The following COX7B2 variants were observed in gnomAD, a reference collection of about 807,000 sequenced individuals.
The protein encoded by COX7B2 is cytochrome c oxidase subunit 7B2.
For synonymous variants in COX7B2, 37 were observed against 32.1 expected, an observed-to-expected ratio of 1.15 and a Z score of -0.51; for missense variants, 109 against 95.9, an observed-to-expected ratio of 1.14 and a Z score of -0.57.
chr4:46,811,954 C>T (rs1719306745), intron 2 of COX7B2, among the ~76,000 whole-genome samples: 1 of 152,090 alleles, frequency 6.6e-6, no homozygotes, highest in Non-Finnish European at 1.5e-5. Context: ...ATGGTGGCTG[C>T]ATAGGTTATT....
intron 1 of COX7B2, 141 bp downstream of exon 1, chr4:46,909,019 G>A (rs1245050053): frequency 1.3e-5 from 2 of 152,122 alleles, no homozygotes; most frequent in East Asian, 3.9e-4. Flanking sequence ...ACTCCAGCCT[G>A]GGGTGACAGA....
intron 1 of COX7B2, among the ~76,000 whole-genome samples, chr4:46,890,208 G>A (rs1191493259): frequency 6.6e-6 from 1 of 152,174 alleles, no homozygotes; most frequent in Non-Finnish European, 1.5e-5. Context: ...GCCTTCCTTA[G>A]TACATGCTAT....
At chr4:46,839,203 A>G (rs981510042) in intron 2 of COX7B2, among the ~76,000 whole-genome samples, 6 of 151,916 alleles carry the variant, frequency 3.9e-5, no homozygotes, top group African/African-American at 1.5e-4. Flanking sequence ...GCCCTCCCTC[A>G]TTGTGAATTT....
At chr4:46,738,662 C>A (rs929035352) in intron 2 of COX7B2, among the ~76,000 whole-genome samples, 1 of 151,986 alleles carries the variant, frequency 6.6e-6, no homozygotes, top group African/African-American at 2.4e-5. Flanking sequence ...CTCCTATTAT[C>A]TAAAGAACTA....
At chr4:46,820,281 T>G (rs1165146017) in intron 2 of COX7B2, among the ~76,000 whole-genome samples, 7 of 152,092 alleles carry the variant, frequency 4.6e-5, no homozygotes, top group Non-Finnish European at 1.0e-4. Context: ...CAATTCAGCA[T>G]GCACAGCTCA....
At chr4:46,834,515 A>T (rs1052479512) in intron 2 of COX7B2, among the ~76,000 whole-genome samples, 2 of 152,130 alleles carry the variant, frequency 1.3e-5, no homozygotes, top group African/African-American at 4.8e-5. Flanking sequence ...TCACGTAAAA[A>T]AATGAATATT....
chr4:46,781,881 A>G (rs1044428618), intron 2 of COX7B2, among the ~76,000 whole-genome samples: 1 of 152,316 alleles, frequency 6.6e-6, no homozygotes, highest in African/African-American at 2.4e-5. Flanking sequence ...CGCGGGCCTC[A>G]GCCGCCTCCC....
At chr4:46,832,987 C>T (rs1434260601) in intron 2 of COX7B2, among the ~76,000 whole-genome samples, 1 of 152,026 alleles carries the variant, frequency 6.6e-6, no homozygotes, top group Non-Finnish European at 1.5e-5. Flanking sequence ...CTTACCACAA[C>T]CTCCGCCTCC....
chr4:46,804,866 A>G (rs568810365), intron 2 of COX7B2, among the ~76,000 whole-genome samples: 1,908 of 152,296 alleles, frequency 0.013, 33 homozygotes, highest in African/African-American at 0.044. Flanking sequence ...GGGACTGGGC[A>G]CCGTGGAGCA....
At chr4:46,766,706 GAA>G (rs57884969) in intron 2 of COX7B2, among the ~76,000 whole-genome samples, 2 of 96,584 alleles carry the variant, frequency 2.1e-5, no homozygotes, top group Non-Finnish European at 4.3e-5. Context: ...GTCTCGAAAA[GAA>G]AAAAAAAAAA....
intron 2 of COX7B2, among the ~76,000 whole-genome samples, chr4:46,816,579 A>C (rs142832755): frequency 6.6e-6 from 1 of 152,320 alleles, no homozygotes; most frequent in African/African-American, 2.4e-5. Context: ...TATCCCCTGC[A>C]GTTATGAGCA....
At position 46,790,410 on chromosome 4, in the gene COX7B2, A is replaced by G. The variant is rs1717975816; in HGVS notation, c.-50+54550T>C. ...ACATCAGTGCTTCATTTTGAATTAT[A>G]TGTTTTTGAGCAATAAGTCTGGTCA... On this transcript the variant is annotated intron_variant, in intron 2 of 2. Coordinates refer to ENST00000355591, the MANE Select transcript of COX7B2 (RefSeq NM_130902.3). 2.6e-5 allele frequency among the ~76,000 whole-genome samples: 4 copies of G among 152,194 alleles called. No individual in the cohort carries two copies. In the South Asian group the frequency reaches 8.3e-4, roughly 31 times the overall value.
intron 1 of COX7B2, among the ~76,000 whole-genome samples, chr4:46,878,659 G>A (rs1480034855): frequency 6.6e-6 from 1 of 152,082 alleles, no homozygotes; most frequent in Non-Finnish European, 1.5e-5. Context: ...TAAAGTGTCA[G>A]GAACCACTCA....
At chr4:46,865,210 T>G (rs1717594190) in intron 1 of COX7B2, among the ~76,000 whole-genome samples, 1 of 152,178 alleles carries the variant, frequency 6.6e-6, no homozygotes, top group African/African-American at 2.4e-5. Context: ...TTTTTTGGTT[T>G]TCCACTCCTG....
intron 1 of COX7B2, among the ~76,000 whole-genome samples, chr4:46,879,387 G>A (rs544903226): frequency 5.3e-5 from 8 of 151,234 alleles, no homozygotes; most frequent in East Asian, 2.0e-4. Context: ...GTGTGATCAC[G>A]GCTCGCTGCC....
At chr4:46,778,652 A>T (rs1291847178) in intron 2 of COX7B2, among the ~76,000 whole-genome samples, 1 of 152,174 alleles carries the variant, frequency 6.6e-6, no homozygotes, top group Non-Finnish European at 1.5e-5. Context: ...ATCAGTAGAC[A>T]TTTTTAAATA....
intron 1 of COX7B2, among the ~76,000 whole-genome samples, chr4:46,852,127 G>T (rs139703710): frequency 1.3e-5 from 2 of 151,928 alleles, no homozygotes; most frequent in African/African-American, 4.8e-5. Context: ...AAATTCTACT[G>T]TGAAAAGGGG....
intron 2 of COX7B2, among the ~76,000 whole-genome samples, chr4:46,780,321 T>C (rs1222421765): frequency 6.6e-6 from 1 of 152,018 alleles, no homozygotes; most frequent in Non-Finnish European, 1.5e-5. Flanking sequence ...ATCGAGACCA[T>C]CCTGGCTAAC....
At chr4:46,762,787 A>G (rs1716265341) in intron 2 of COX7B2, among the ~76,000 whole-genome samples, 1 of 148,316 alleles carries the variant, frequency 6.7e-6, no homozygotes, top group East Asian at 2.0e-4. Flanking sequence ...TCATATACAT[A>G]TGAAAAAAAG....
Sources: allele counts gnomAD v4.1 joint callset (sites outside exome capture counted in the v4.1 genomes callset), GRCh38; gene constraint gnomAD v4.1.1; transcripts MANE v1.5; gene names NCBI Gene and HGNC (gene_info 2026-07-23, HGNC 2026-07-21).